The following LY9 variants were observed in gnomAD, a reference collection of about 807,000 sequenced individuals.
The protein encoded by LY9 is lymphocyte antigen 9.
In LY9, 59 loss-of-function variants were observed where a neutral mutation model predicts 64.6. The ratio of observed to expected loss-of-function variants is 0.91; its 90% CI spans 0.74 to 1.13. The LOEUF (loss-of-function observed/expected upper bound fraction) is 1.13. LY9 is among the 50% of genes most tolerant of loss of function. The probability of loss-of-function intolerance (pLI) is 0.00; values close to 1 mark genes in which losing one functional copy is unlikely to be tolerated. For synonymous variants in LY9, 281 were observed against 308.5 expected, an observed-to-expected ratio of 0.91 and a Z score of 0.93; for missense variants, 789 against 797.2, an observed-to-expected ratio of 0.99 and a Z score of 0.12.
chr1:160,808,795 T>C (rs1415712110), intron 2 of LY9, among the ~76,000 whole-genome samples: 1 of 152,242 alleles, frequency 6.6e-6, no homozygotes, highest in Non-Finnish European at 1.5e-5. Flanking sequence ...TAAATGCTTC[T>C]AGTCAGCCAT....
At chr1:160,827,604 G>T (rs1433321626) in intron 9 of LY9, 144 bp from the exon 10 acceptor site, 2 of 576,200 alleles carry the variant, frequency 3.5e-6, no homozygotes, top group Non-Finnish European at 6.0e-6. Flanking sequence ...CAGGCTGGTT[G>T]ATTGCGCCAT....
Position 160,799,846 on chromosome 1 carries a change from CAG to C in LY9, c.222_223del (p.Glu74AspfsTer2). 6.2e-7 allele frequency: 1 copy of C among 1,614,072 alleles called. No homozygotes were observed. Among genetic ancestry groups the C allele is most frequent in the Non-Finnish European group, 8.5e-7 (1 of 1,179,930 alleles). On this transcript the variant is annotated frameshift_variant, in exon 2 of 10. Transcript: ENST00000263285. LOFTEE classifies it high-confidence loss of function. Reference sequence around the variant, plus strand: ...CTCCCCCTAAACATCTCAGTAGACACAGAGATTGAGAACGTCATCTGGATTGG... The same window carrying C: ...CTCCCCCTAAACATCTCAGTAGACACAGATTGAGAACGTCATCTGGATTGG...
Position 160,814,007 on chromosome 1 carries a change from G to T in LY9, c.730+96G>T, listed in dbSNP as rs935293829. Reference sequence around the variant, plus strand: ...AGGATCCTGGTCAGACACACAGGGGGTGGGGAAGCAAGAGGACAGGCCCCA... The same window carrying T: ...AGGATCCTGGTCAGACACACAGGGGTTGGGGAAGCAAGAGGACAGGCCCCA... On this transcript the variant is annotated intron_variant, in intron 3 of 9. Coordinates refer to ENST00000263285, the MANE Select transcript of LY9 (RefSeq NM_002348.4). 4.5e-6 allele frequency: 6 copies of T among 1,343,576 alleles called. No individual in the cohort carries two copies. The African/African-American group carries it at 8.8e-5, about 20-fold the overall frequency. The allele number at this position is 1,343,576 out of a possible 1,614,324, so 83.2% of individuals were successfully genotyped here. A position where few individuals can be genotyped will look rare whatever the true frequency, so the allele number is the denominator to read the frequency against.
chr1:160,797,148 G>T, intron 1 of LY9: 1 of 985,490 alleles, frequency 1.0e-6, no homozygotes, highest in Non-Finnish European at 1.2e-6. Flanking sequence ...TGCATGGCCC[G>T]GAACCCCACT....
chr1:160,824,030 C>A, intron 8 of LY9, 151 bp from the exon 9 acceptor site: 1 of 938,566 alleles, frequency 1.1e-6, no homozygotes, highest in Non-Finnish European at 1.6e-6. Context: ...TGTTGGAGAA[C>A]CAGAGGCACC....
Position 160,823,647 on chromosome 1 carries a change from G to T in LY9, c.1681G>T (p.Glu561Ter). 6.2e-7 allele frequency: 1 copy of T among 1,614,128 alleles called. No individual in the cohort carries two copies. The highest frequency in any genetic ancestry group is 8.5e-7 in the Non-Finnish European group (1 of 1,179,992). ...GCACAAGCCCATCAGTGGAAGATAT[G>T]AGGTATTTGACCAGGTCACTCAGGA... ...EVHKPISGRYEVFDQVTQEGA... is the reference protein window; with the variant it reads ...EVHKPISGRY Residue 561 changes from glutamate to a stop codon, truncating the protein, a stop_gained, in exon 8 of 10, where the codon GAG (glutamate) becomes TAG (stop). Coordinates refer to ENST00000263285, the MANE Select transcript of LY9 (RefSeq NM_002348.4). LOFTEE classifies it high-confidence loss of function.
chr1:160,806,052 C>A (rs1479846333), intron 2 of LY9, among the ~76,000 whole-genome samples: 1 of 147,952 alleles, frequency 6.8e-6, no homozygotes, highest in Non-Finnish European at 1.5e-5. Context: ...TACTTGTAGT[C>A]TATATATCTT....
In LY9 at chr1:160,799,936, A is replaced by T. The variant is rs1306420764; in HGVS notation, c.308A>T (p.Tyr103Phe). The T allele has an allele frequency of 6.2e-7, 1 of 1,613,550 alleles. No individual in the cohort carries two copies. The highest frequency in any genetic ancestry group is 8.5e-7 in the Non-Finnish European group (1 of 1,179,424). The change falls in exon 2 of 10, where the codon TAC becomes TTC. Residue 103 changes from tyrosine (Y) to phenylalanine (F), a missense_variant. Transcript: ENST00000263285. ...AATGTAACCATTATGGTCAAAAGCTACCTGGGCCGACTAGACATCACCAAG... is the reference window on the plus strand; with the variant it reads ...AATGTAACCATTATGGTCAAAAGCTTCCTGGGCCGACTAGACATCACCAAG... ...KENVTIMVKSYLGRLDITKWS... is the reference protein window; with the variant it reads ...KENVTIMVKSFLGRLDITKWS...
chr1:160,814,462 T>A lies in LY9; in HGVS notation c.773T>A (p.Val258Glu), dbSNP rs1357033153. 1 of 1,613,824 alleles carries A rather than the reference T, an allele frequency of 6.2e-7. No homozygotes were observed. The highest frequency in any genetic ancestry group is 8.5e-7 in the Non-Finnish European group (1 of 1,179,834). ...SRGGTTGETV[V>E]GVLGEPVTLP... ...GGAGGAACAACGGGGGAGACTGTGG[T>A]AGGGGTCCTGGGAGAGCCAGTCACC... is the stretch of plus-strand genomic sequence containing the variant. The change falls in exon 4 of 10, where the codon GTA becomes GAA. Residue 258 changes from valine to glutamate, a missense_variant. Val to Glu is a moderately radical substitution (Grantham distance 121). Coordinates refer to ENST00000263285, the MANE Select transcript of LY9 (RefSeq NM_002348.4).
chr1:160,821,758 T>C (rs1198568682), intron 7 of LY9, among the ~76,000 whole-genome samples: 4 of 152,154 alleles, frequency 2.6e-5, no homozygotes, highest in African/African-American at 9.7e-5. Context: ...TCAGTTTCCT[T>C]ACCTTCCAAA....
intron 2 of LY9, among the ~76,000 whole-genome samples, chr1:160,806,760 T>TA (rs1168220966): frequency 1.3e-5 from 2 of 152,240 alleles, no homozygotes; most frequent in African/African-American, 2.4e-5. Context: ...TCTGGATGTC[T>TA]AAGAGTCTTG....
intron 2 of LY9, chr1:160,811,246 T>C (rs1464081377): frequency 6.6e-6 from 1 of 152,264 alleles, no homozygotes; most frequent in Non-Finnish European, 1.5e-5. Context: ...ACAGCTGTAT[T>C]GACTTATTTC....
rs1421017880 is a variant in LY9 at position 160,799,637 on chromosome 1, T to C, written c.125-116T>C. ...ACCTAGAAGAAGGAGGACAAGAATC[T>C]CATTTCATTTCTCAGCATCTGACAT... is the stretch of plus-strand genomic sequence containing the variant. On this transcript the variant is annotated intron_variant, in intron 1 of 9. Transcript: ENST00000263285. 5.0e-5 allele frequency: 34 copies of C among 682,652 alleles called. No individual in the cohort carries two copies. The South Asian group carries it at 6.0e-4, about 12-fold the overall frequency. The allele number at this position is 682,652 out of a possible 1,614,324, so 42.3% of individuals were successfully genotyped here.
At chr1:160,826,491 A>G (rs1341078317) in intron 9 of LY9, among the ~76,000 whole-genome samples, 1 of 152,214 alleles carries the variant, frequency 6.6e-6, no homozygotes, top group Non-Finnish European at 1.5e-5. Context: ...CAAGATCATC[A>G]CCAGGGTCTG....
intron 2 of LY9, among the ~76,000 whole-genome samples, chr1:160,804,787 AT>A (rs754858898): frequency 2.0e-5 from 3 of 151,632 alleles, no homozygotes; most frequent in African/African-American, 2.4e-5. Context: ...GTCTGTTCAG[AT>A]TTTCTATTTT....
chr1:160,802,291 G>A, intron 2 of LY9: 1 of 997,190 alleles, frequency 1.0e-6, no homozygotes, highest in Non-Finnish European at 1.2e-6. Context: ...GCAGCATGCG[G>A]GTCCCGCACA....
rs3737783 is a variant in LY9 at position 160,814,530 on chromosome 1, G to A, written c.841G>A (p.Val281Ile). 5.9e-5 allele frequency: 95 copies of A among 1,614,040 alleles called. 1 individual carries two copies. In the East Asian group the frequency reaches 2.0e-3, roughly 34 times the overall value. The change falls in exon 4 of 10, where the codon GTC becomes ATC. Residue 281 changes from valine to isoleucine, a missense_variant. Transcript: ENST00000263285. ...LPACRDTEKVVWLFNTSIISK... is the reference protein window; with the variant it reads ...LPACRDTEKVIWLFNTSIISK... ...AGCCTGCCGGGACACAGAGAAGGTTGTCTGGTTGTTTAACACATCCATCAT... is the reference window on the plus strand; with the variant it reads ...AGCCTGCCGGGACACAGAGAAGGTTATCTGGTTGTTTAACACATCCATCAT...
intron 6 of LY9, 105 bp from the exon 7 acceptor site, chr1:160,819,216 C>A: frequency 2.3e-6 from 2 of 876,990 alleles, no homozygotes; most frequent in Non-Finnish European, 1.9e-6. Context: ...TTTTCCCTGT[C>A]TATGTCCCAG....
At chr1:160,821,283 T>A (rs559288650) in intron 7 of LY9, among the ~76,000 whole-genome samples, 1 of 152,044 alleles carries the variant, frequency 6.6e-6, no homozygotes, top group Non-Finnish European at 1.5e-5. Flanking sequence ...CAGACCTGAA[T>A]CCTTTCAGAA....
Sources: gnomAD v4.1 joint callset for allele counts (sites outside exome capture counted in the v4.1 genomes callset) on GRCh38, gnomAD v4.1.1 for gene constraint, MANE v1.5 for transcripts, NCBI Gene and HGNC (gene_info 2026-07-23, HGNC 2026-07-21) for gene names.